Variants in ADGRF5 observed in about 807,000 individuals in gnomAD.
ADGRF5 encodes the protein adhesion G protein-coupled receptor F5, also known as G-protein coupled receptor 116.
In ADGRF5, 75 loss-of-function variants were observed where a neutral mutation model predicts 132.3. The observed-to-expected ratio is 0.57, with a 90% CI of 0.47 to 0.69. The LOEUF is 0.69. ADGRF5 is among the 30% of genes least tolerant of loss of function. The pLI is 0.00. For missense variants in ADGRF5, 1,516 were observed against 1,630.6 expected, an observed-to-expected ratio of 0.93 and a Z score of 1.21; for synonymous variants, 629 against 597.6, an observed-to-expected ratio of 1.05 and a Z score of -0.77.
At chr6:46,888,634 T>G (rs1773304304) in intron 3 of ADGRF5, 129 bp from the exon 4 acceptor site, 2 of 662,594 alleles carry the variant, frequency 3.0e-6, no homozygotes, top group South Asian at 3.9e-5. Flanking sequence ...CCCTTAGGAA[T>G]TTCTAATGAA....
chr6:46,875,594 T>C (rs927669668), intron 10 of ADGRF5, among the ~76,000 whole-genome samples: 7 of 152,072 alleles, frequency 4.6e-5, no homozygotes, highest in African/African-American at 9.7e-5. Flanking sequence ...CTGACCAACA[T>C]GGTGAAACCC....
At chr6:46,900,521 A>AG (rs140678231) in intron 2 of ADGRF5, among the ~76,000 whole-genome samples, 56,002 of 151,968 alleles carry the variant, frequency 0.37, 12,539 homozygotes, top group Non-Finnish European at 0.49. Flanking sequence ...CTGCTGTATT[A>AG]GGGCTCTTTA....
chr6:46,853,520 A>G lies in ADGRF5; in HGVS notation c.*472T>C, dbSNP rs1768703329. The G allele has an allele frequency of 6.5e-6, 1 of 154,112 alleles. No individual in the cohort carries two copies. Among genetic ancestry groups the G allele is most frequent in the Non-Finnish European group, 1.4e-5 (1 of 69,948 alleles). The allele number at this position is 154,112 out of a possible 1,614,324, so 9.5% of individuals were successfully genotyped here. On this transcript the variant is annotated 3_prime_UTR_variant, in exon 21 of 21. Coordinates refer to ENST00000283296, the MANE Select transcript of ADGRF5 (RefSeq NM_001098518.2). ...TTTGTCTTTATTTGTTCCTATTTTC[A>G]TCTTTCTCTTTTTCTTCTTTTTCCC...
intron 10 of ADGRF5, among the ~76,000 whole-genome samples, chr6:46,873,413 C>G (rs1182513702): frequency 1.3e-5 from 2 of 152,156 alleles, no homozygotes; most frequent in East Asian, 3.8e-4. Context: ...TTTCCCGTAT[C>G]CAGTGGCCTC....
chr6:46,903,470 G>A (rs1184405465), intron 2 of ADGRF5: 1 of 152,182 alleles, frequency 6.6e-6, no homozygotes, highest in East Asian at 1.9e-4. Flanking sequence ...TTGTAGTGGT[G>A]GTGGGGCAGG....
chr6:46,932,485 G>A (rs1287050378), intron 1 of ADGRF5, among the ~76,000 whole-genome samples: 1 of 152,160 alleles, frequency 6.6e-6, no homozygotes, highest in Admixed American at 6.5e-5. Flanking sequence ...GTGGTTGCTA[G>A]TATATCCACA....
upstream of ADGRF5, among the ~76,000 whole-genome samples, chr6:46,925,086 A>C (rs1777183813): frequency 6.6e-6 from 1 of 152,240 alleles, no homozygotes; most frequent in Non-Finnish European, 1.5e-5. Flanking sequence ...TCCCGTAGTC[A>C]GAGCACAGGT....
At chr6:46,941,408 AAAGAAAAGAAAAGAAAAG>A (rs1274891745) in intron 1 of ADGRF5, among the ~76,000 whole-genome samples, 1 of 36,798 alleles carries the variant, frequency 2.7e-5, no homozygotes, top group African/African-American at 1.2e-4. Context: ...AAAGAAAAGA[AAAGAAAAGAAAAGAAAAG>A]AAAAGAAAAG....
At chr6:46,866,141 G>C (rs1770400373) in intron 13 of ADGRF5, among the ~76,000 whole-genome samples, 1 of 151,964 alleles carries the variant, frequency 6.6e-6, no homozygotes, top group Non-Finnish European at 1.5e-5. Context: ...TGCTACCAAT[G>C]GACAACTTTA....
At chr6:46,950,886 T>C (rs899152042) in intron 1 of ADGRF5, among the ~76,000 whole-genome samples, 18 of 152,248 alleles carry the variant, frequency 1.2e-4, no homozygotes, top group South Asian at 4.2e-4. Context: ...GTGCACTAAG[T>C]ATTAGTTCAT....
chr6:46,877,909 T>C (rs1562176826), intron 10 of ADGRF5, among the ~76,000 whole-genome samples: 1 of 152,208 alleles, frequency 6.6e-6, no homozygotes, highest in Admixed American at 6.5e-5. Flanking sequence ...TTCTTGTCTT[T>C]TTTTAGATCC....
intron 10 of ADGRF5, among the ~76,000 whole-genome samples, chr6:46,872,677 A>G (rs1020237410): frequency 1.3e-5 from 2 of 151,960 alleles, no homozygotes; most frequent in African/African-American, 2.4e-5. Context: ...TTCCTTTCCC[A>G]GAAATACCAT....
intron 1 of ADGRF5, among the ~76,000 whole-genome samples, chr6:46,941,399 AAG>A (rs1487714709): frequency 3.7e-5 from 1 of 27,066 alleles, no homozygotes; most frequent in Non-Finnish European, 6.4e-5. Flanking sequence ...AAGAAAAGAA[AAG>A]AAAAGAAAAG....
chr6:46,948,628 C>T (rs555803893), intron 1 of ADGRF5, among the ~76,000 whole-genome samples: 18 of 152,254 alleles, frequency 1.2e-4, no homozygotes, highest in African/African-American at 4.3e-4. Context: ...CAAACAGCAT[C>T]GCTGTCTCAG....
At chr6:46,954,421 C>T (rs1172153042) in intron 1 of ADGRF5, among the ~76,000 whole-genome samples, 1 of 150,092 alleles carries the variant, frequency 6.7e-6, no homozygotes, top group Non-Finnish European at 1.5e-5. Context: ...AAAAATTACC[C>T]CTTATGCAGA....
At chr6:46,876,270 C>T (rs933468074) in intron 10 of ADGRF5, among the ~76,000 whole-genome samples, 5 of 152,358 alleles carry the variant, frequency 3.3e-5, no homozygotes, top group Non-Finnish European at 5.9e-5. Context: ...CATTGTTCTG[C>T]AGTCATTCAT....
chr6:46,865,014 A>G lies in ADGRF5; in HGVS notation c.1990+28T>C, dbSNP rs774290315. 22 of 1,509,640 alleles carry G rather than the reference A, an allele frequency of 1.5e-5. No homozygotes were observed. In the South Asian group the frequency reaches 2.4e-4, roughly 16 times the overall value. 93.5% of individuals were successfully genotyped at this position (1,509,640 alleles called of 1,614,324 possible). A position where few individuals can be genotyped will look rare whatever the true frequency, so the allele number is the denominator to read the frequency against. On this transcript the variant is annotated intron_variant, in intron 14 of 20. Coordinates refer to ENST00000283296, the MANE Select transcript of ADGRF5 (RefSeq NM_001098518.2). ...AATAAGTCCCTGCCCTGACTATAAC[A>G]TCTTAAAGTAATTTAAAACGTTCTT...
At chr6:46,905,577 G>A (rs894858263) in intron 2 of ADGRF5, 2 of 151,738 alleles carry the variant, frequency 1.3e-5, no homozygotes, top group South Asian at 2.1e-4. Flanking sequence ...AAAACAAAGT[G>A]GTATATAAAG....
chr6:46,877,318 CTTCCTTCTTTCTTTCTTTCT>C (rs1454888790), intron 10 of ADGRF5, among the ~76,000 whole-genome samples: 3 of 21,642 alleles, frequency 1.4e-4, no homozygotes, highest in Middle Eastern at 0.016. Flanking sequence ...TCCTTCCTTC[CTTCCTTCTTTCTTTCTTTCT>C]TTCTTTCTTT....
Sources: gnomAD v4.1 joint callset for allele counts (sites outside exome capture counted in the v4.1 genomes callset) on GRCh38, gnomAD v4.1.1 for gene constraint, MANE v1.5 for transcripts, NCBI Gene and HGNC (gene_info 2026-07-23, HGNC 2026-07-21) for gene names.